Variants in ST7L observed in about 807,000 individuals in gnomAD.
ST7L encodes the protein suppressor of tumorigenicity 7 protein-like.
A neutral mutation model predicts 72.5 loss-of-function variants in ST7L; 57 were observed. That is an observed-to-expected ratio of 0.79 (90% CI 0.64 to 0.98). The LOEUF (loss-of-function observed/expected upper bound fraction) is 0.98, where lower values mean the gene tolerates loss of function less well. ST7L is among the 50% of genes least tolerant of loss of function. The probability of loss-of-function intolerance (pLI) is 0.00; values close to 1 mark genes in which losing one functional copy is unlikely to be tolerated. For synonymous variants in ST7L, 221 were observed against 240.9 expected (o/e 0.92, Z 0.77); for missense variants, 576 against 672.2 (o/e 0.86, Z 1.58).
chr1:112,541,281 C>T (rs1305144372), intron 14 of ST7L, among the ~76,000 whole-genome samples: 2 of 141,832 alleles, frequency 1.4e-5, no homozygotes, highest in African/African-American at 5.2e-5. Flanking sequence ...GACCTTGTCT[C>T]AGAAAAAAAA....
At chr1:112,541,171 G>A (rs1043570638) in intron 14 of ST7L, among the ~76,000 whole-genome samples, 1 of 152,180 alleles carries the variant, frequency 6.6e-6, no homozygotes, top group East Asian at 1.9e-4. Flanking sequence ...TATAGTCCCA[G>A]CTACTCGGGG....
At chr1:112,528,592 A>C (rs560572646) in intron 14 of ST7L, 1 of 152,356 alleles carries the variant, frequency 6.6e-6, no homozygotes, top group South Asian at 2.1e-4. Flanking sequence ...AAGAGATATC[A>C]AATATCCTAT....
At chr1:112,561,889 G>C (rs1409615647) in intron 11 of ST7L, among the ~76,000 whole-genome samples, 3 of 151,536 alleles carry the variant, frequency 2.0e-5, no homozygotes, top group Non-Finnish European at 4.4e-5. Context: ...TAAAAAAATG[G>C]TATTATTAAG....
downstream of ST7L, chr1:112,520,931 G>A (rs779684847): frequency 3.9e-5 from 7 of 180,410 alleles, no homozygotes; most frequent in Non-Finnish European, 8.3e-5. Context: ...GGACAAAGAT[G>A]AATGGCATGT....
At chr1:112,617,696 CTCTG>C (rs1347287995) in intron 1 of ST7L, among the ~76,000 whole-genome samples, 37 of 142,204 alleles carry the variant, frequency 2.6e-4, no homozygotes, top group African/African-American at 6.3e-4. Context: ...CAAAGGGAGA[CTCTG>C]TCTGTCTTTC....
chr1:112,556,705 C>T (rs983395464), intron 11 of ST7L, among the ~76,000 whole-genome samples: 2 of 151,890 alleles, frequency 1.3e-5, no homozygotes, highest in African/African-American at 2.4e-5. Flanking sequence ...AGGCCGAGTG[C>T]GCTGGCTCAC....
At chr1:112,590,928 C>A (rs1211723844) in intron 6 of ST7L, among the ~76,000 whole-genome samples, 2 of 146,916 alleles carry the variant, frequency 1.4e-5, no homozygotes, top group African/African-American at 2.6e-5. Context: ...ATTTTAGTAC[C>A]CTTTTTTTTT....
intron 6 of ST7L, among the ~76,000 whole-genome samples, chr1:112,587,408 C>T (rs1329395173): frequency 6.6e-6 from 1 of 152,158 alleles, no homozygotes; most frequent in East Asian, 1.9e-4. Context: ...TCAAGACCAG[C>T]CTGGCCAACA....
At chr1:112,540,146 A>T in intron 14 of ST7L, 1 of 985,398 alleles carries the variant, frequency 1.0e-6, no homozygotes, top group African/African-American at 1.7e-5. Context: ...ACCCCATGGA[A>T]ATATACTACT....
At chr1:112,583,544 A>T (rs2101889237) in intron 7 of ST7L, among the ~76,000 whole-genome samples, 1 of 152,342 alleles carries the variant, frequency 6.6e-6, no homozygotes, top group Non-Finnish European at 1.5e-5. Flanking sequence ...ACTCCCTAGC[A>T]CTATATGCAG....
intron 6 of ST7L, 112 bp from the exon 7 acceptor site, chr1:112,584,238 T>TTA: frequency 1.7e-6 from 2 of 1,146,632 alleles, no homozygotes; most frequent in Non-Finnish European, 2.3e-6. Flanking sequence ...TTTTCCATCT[T>TTA]TAGAAAAAAA....
intron 6 of ST7L, among the ~76,000 whole-genome samples, chr1:112,591,257 A>G (rs1035569241): frequency 1.3e-5 from 2 of 152,156 alleles, no homozygotes; most frequent in African/African-American, 2.4e-5. Context: ...TTTTAACTAT[A>G]AAGTATTATC....
chr1:112,577,005 AAT>A lies in ST7L; in HGVS notation c.1224_1225del (p.Glu408AspfsTer2). 6.2e-7 allele frequency: 1 copy of A among 1,602,080 alleles called. No homozygotes were observed. The highest frequency in any genetic ancestry group is 8.5e-7 in the Non-Finnish European group (1 of 1,172,956). On this transcript the variant is annotated frameshift_variant, in exon 11 of 15. Transcript: ENST00000358039. LOFTEE classifies it high-confidence loss of function. The stretch of plus-strand genomic sequence containing the variant: ...TCTCACTTTTGGAACATGAGGATTA[AAT>A]TCCACAGCTCTATGAATTGCTTCCA...
chr1:112,600,352 A>C (rs549958714), intron 4 of ST7L, among the ~76,000 whole-genome samples: 1 of 152,234 alleles, frequency 6.6e-6, no homozygotes, highest in South Asian at 2.1e-4. Context: ...CCAAAAATTT[A>C]AAAAAATTAG....
intron 11 of ST7L, among the ~76,000 whole-genome samples, chr1:112,557,596 G>T (rs1659418591): frequency 6.6e-6 from 1 of 152,142 alleles, no homozygotes; most frequent in East Asian, 1.9e-4. Flanking sequence ...TGTTTCTCTT[G>T]AGTAAGTACC....
At chr1:112,587,899 T>G (rs970487673) in intron 6 of ST7L, among the ~76,000 whole-genome samples, 2 of 152,192 alleles carry the variant, frequency 1.3e-5, no homozygotes, top group African/African-American at 4.8e-5. Flanking sequence ...GTAGATCAAT[T>G]TAGGGAGTAC....
chr1:112,568,518 G>A (rs113023334), intron 11 of ST7L, among the ~76,000 whole-genome samples: 2,760 of 151,082 alleles, frequency 0.018, 70 homozygotes, highest in East Asian at 0.091. Context: ...TGTATTTTTA[G>A]TAGAGACGGA....
rs531405807 is a variant in ST7L at position 112,527,613 on chromosome 1, C to A, written c.1630-1502G>T. ...TTGAATGAGCTGCTGATGACAGCAG[C>A]TTCATAGGTCTTGTGTATAAAGGAA... On this transcript the variant is annotated intron_variant, in intron 14 of 14. Coordinates refer to ENST00000358039, the MANE Select transcript of ST7L (RefSeq NM_017744.5). The A allele has an allele frequency of 2.0e-5, 3 of 152,732 alleles. No homozygotes were observed. In the East Asian group the frequency reaches 5.8e-4, roughly 29 times the overall value. 9.5% of individuals were successfully genotyped at this position (152,732 alleles called of 1,614,324 possible). A position where few individuals can be genotyped will look rare whatever the true frequency, so the allele number is the denominator to read the frequency against.
chr1:112,520,629 T>C (rs1028285086), downstream of ST7L: 1 of 1,044,454 alleles, frequency 9.6e-7, no homozygotes, highest in African/African-American at 1.6e-5. Flanking sequence ...TATTTAAGGA[T>C]GTAGAGAGTA....
Sources: allele counts gnomAD v4.1 joint callset (sites outside exome capture counted in the v4.1 genomes callset), GRCh38; gene constraint gnomAD v4.1.1; transcripts MANE v1.5; gene names NCBI Gene and HGNC (gene_info 2026-07-23, HGNC 2026-07-21).